WDR1: variants seen among roughly 807,000 people sequenced by gnomAD.
The protein encoded by WDR1 is WD repeat domain 1, also known as WD repeat-containing protein 1.
Under a neutral mutation model 71.9 loss-of-function variants are expected in WDR1, and 21 were observed. The observed-to-expected ratio is 0.29, with a 90% CI of 0.21 to 0.42. The LOEUF is 0.42. Among genes scored for constraint, WDR1 ranks in the 10% least tolerant of loss-of-function variants. The pLI is 1.00. For synonymous variants in WDR1, 424 were observed against 347.4 expected, an observed-to-expected ratio of 1.22 and a Z score of -2.45; for missense variants, 696 against 824.5, an observed-to-expected ratio of 0.84 and a Z score of 1.91.
chr4:10,093,430 A>G (rs1350948928), intron 5 of WDR1, among the ~76,000 whole-genome samples: 1 of 152,186 alleles, frequency 6.6e-6, no homozygotes, highest in Non-Finnish European at 1.5e-5. Flanking sequence ...ACCATCCTTC[A>G]GCCCACCCAT....
rs1263220502 is a variant in WDR1, at chr4:10,116,108, C to G, written c.138+5G>C. 1 of 1,612,076 alleles carries G rather than the reference C, an allele frequency of 6.2e-7. No individual in the cohort carries two copies. Among genetic ancestry groups the G allele is most frequent in the East Asian group, 2.2e-5 (1 of 44,636 alleles). ...AGAACCGCGCCCGGGGTAGGGGGTA[C>G]TCACGTCGATGTTCCTTAGGATGAC... On this transcript the variant is annotated splice_donor_5th_base_variant and intron_variant, in intron 2 of 14. Coordinates refer to ENST00000499869, the MANE Select transcript of WDR1 (RefSeq NM_017491.5).
chr4:10,077,678 C>G (rs1370295986), intron 13 of WDR1, 75 bp downstream of exon 13: 4 of 1,479,002 alleles, frequency 2.7e-6, no homozygotes, highest in African/African-American at 1.4e-5. Context: ...TCAAGGTCAC[C>G]AAGTCACAGA....
At chr4:10,114,209 A>C (rs183033863) in intron 2 of WDR1, among the ~76,000 whole-genome samples, 1 of 152,202 alleles carries the variant, frequency 6.6e-6, no homozygotes, top group Non-Finnish European at 1.5e-5. Context: ...AGAAACTTAA[A>C]AATAATTGAG....
chr4:10,110,992 G>A (rs1304805108), intron 2 of WDR1, among the ~76,000 whole-genome samples: 1 of 152,250 alleles, frequency 6.6e-6, no homozygotes, highest in Non-Finnish European at 1.5e-5. Context: ...GTGAACATGT[G>A]TGGGAAACGT....
chr4:10,108,857 C>G (rs1390980386), intron 2 of WDR1, among the ~76,000 whole-genome samples: 2 of 152,232 alleles, frequency 1.3e-5, no homozygotes, highest in African/African-American at 4.8e-5. Flanking sequence ...GAACCCCCAC[C>G]TTCCCTGACT....
intron 14 of WDR1, 109 bp downstream of exon 14, chr4:10,077,193 GCA>G (rs1450400911): frequency 7.1e-7 from 1 of 1,400,364 alleles, no homozygotes; most frequent in African/African-American, 1.4e-5. Flanking sequence ...CTGTCTAGAA[GCA>G]CAGAGGCTAC....
chr4:10,110,157 G>A (rs1713265336), intron 2 of WDR1, among the ~76,000 whole-genome samples: 1 of 152,214 alleles, frequency 6.6e-6, no homozygotes, highest in African/African-American at 2.4e-5. Context: ...ATACGTAGAA[G>A]TGACAAGCAA....
intron 5 of WDR1, 72 bp from the exon 6 acceptor site, chr4:10,088,813 A>G: frequency 8.5e-7 from 1 of 1,183,042 alleles, no homozygotes; most frequent in Non-Finnish European, 1.2e-6. Context: ...GCTCTCTATG[A>G]AACACAGCTT....
intron 2 of WDR1, among the ~76,000 whole-genome samples, chr4:10,109,643 A>G (rs1213568796): frequency 1.3e-5 from 2 of 152,206 alleles, no homozygotes; most frequent in Non-Finnish European, 2.9e-5. Flanking sequence ...GGCCCTGCAC[A>G]GCAGCACCCC....
rs147709942 is a variant in WDR1, at chr4:10,083,625, A to G, written c.1040-447T>C. ...GCACATGCGGACCAGAGCTGTCCAC[A>G]CAAAAGGCAGTCTCCAACACAGCAC... On this transcript the variant is annotated intron_variant, in intron 9 of 14. Transcript: ENST00000499869. The G allele has an allele frequency of 7.3e-3, 3,550 of 485,252 alleles. 47 individuals carry two copies. The highest frequency in any genetic ancestry group is 0.025 in the Middle Eastern group (78 of 3,110). 30.1% of individuals were successfully genotyped at this position (485,252 alleles called of 1,614,324 possible).
chr4:10,105,093 C>G (rs953422379), intron 2 of WDR1, among the ~76,000 whole-genome samples: 1 of 152,220 alleles, frequency 6.6e-6, no homozygotes, highest in East Asian at 1.9e-4. Flanking sequence ...CCTCTCCCTG[C>G]CTACGGACAC....
chr4:10,100,128 A>T (rs1369885257), intron 3 of WDR1, among the ~76,000 whole-genome samples: 3 of 152,256 alleles, frequency 2.0e-5, no homozygotes, highest in Non-Finnish European at 4.4e-5. Context: ...GAGGATTGTC[A>T]GGACACGTTA....
intron 11 of WDR1, among the ~76,000 whole-genome samples, chr4:10,079,822 G>T (rs1764945990): frequency 6.6e-6 from 1 of 152,120 alleles, no homozygotes; most frequent in African/African-American, 2.4e-5. Context: ...TACTGAAGAG[G>T]CACCTCTGTC....
At chr4:10,114,475 A>G (rs1236249323) in intron 2 of WDR1, among the ~76,000 whole-genome samples, 2 of 152,238 alleles carry the variant, frequency 1.3e-5, no homozygotes, top group African/African-American at 4.8e-5. Flanking sequence ...AGAAGCTATC[A>G]CAGGGCCAGA....
intron 5 of WDR1, 149 bp from the exon 6 acceptor site, chr4:10,088,890 TCCTGGGCAGTC>T: frequency 1.5e-6 from 1 of 680,258 alleles, no homozygotes; most frequent in South Asian, 1.7e-5. Flanking sequence ...TAAAAAAACA[TCCTGGGCAGTC>T]CCTTAGTGGA....
At chr4:10,099,218 G>A (rs903606290) in intron 3 of WDR1, 79 bp from the exon 4 acceptor site, 51 of 1,284,044 alleles carry the variant, frequency 4.0e-5, no homozygotes, top group Admixed American at 1.8e-4. Flanking sequence ...GGTCACTGCC[G>A]GGCCAGGGCC....
chr4:10,108,820 C>T (rs1295255911), intron 2 of WDR1, among the ~76,000 whole-genome samples: 1 of 152,208 alleles, frequency 6.6e-6, no homozygotes, highest in Non-Finnish European at 1.5e-5. Context: ...CCTGATGCTC[C>T]AAGCTAGAAA....
intron 3 of WDR1, among the ~76,000 whole-genome samples, chr4:10,100,455 A>C (rs1308588084): frequency 6.6e-6 from 1 of 152,236 alleles, no homozygotes; most frequent in African/African-American, 2.4e-5. Context: ...GAACGAGTCC[A>C]CGAATTAACG....
intron 5 of WDR1, among the ~76,000 whole-genome samples, 193 bp from the exon 6 acceptor site, chr4:10,088,934 T>C (rs1578426556): frequency 6.6e-6 from 1 of 152,226 alleles, no homozygotes; most frequent in Non-Finnish European, 1.5e-5. Context: ...TGCTCCAGCC[T>C]GCCTGCCATG....
Sources: allele counts gnomAD v4.1 joint callset (sites outside exome capture counted in the v4.1 genomes callset), GRCh38; gene constraint gnomAD v4.1.1; transcripts MANE v1.5; gene names NCBI Gene and HGNC (gene_info 2026-07-23, HGNC 2026-07-21).